Variants in NAT1 observed in about 807,000 individuals in gnomAD.
NAT1 encodes the protein N-acetyltransferase 1.
For synonymous variants in NAT1, 144 were observed against 122.6 expected, an observed-to-expected ratio of 1.17 and a Z score of -1.16; for missense variants, 400 against 339.2, an observed-to-expected ratio of 1.18 and a Z score of -1.41.
At chr8:18,196,315 G>A (rs1284773628) in intron 2 of NAT1, among the ~76,000 whole-genome samples, 1 of 151,486 alleles carries the variant, frequency 6.6e-6, no homozygotes, top group African/African-American at 2.4e-5. Flanking sequence ...AATGCCCCAA[G>A]AATAATGAGA....
At chr8:18,197,412 T>C (rs960905555) in intron 2 of NAT1, among the ~76,000 whole-genome samples, 1 of 152,090 alleles carries the variant, frequency 6.6e-6, no homozygotes, top group Non-Finnish European at 1.5e-5. Context: ...CAACCAGGAG[T>C]GATCTCTCCA....
At chr8:18,221,059 TA>T (rs1563195724) in intron 2 of NAT1, among the ~76,000 whole-genome samples, 1 of 152,182 alleles carries the variant, frequency 6.6e-6, no homozygotes, top group Non-Finnish European at 1.5e-5. Flanking sequence ...TCACTTACAG[TA>T]AAAACCAAAA....
intron 2 of NAT1, among the ~76,000 whole-genome samples, chr8:18,198,974 GA>G (rs113259284): frequency 1.3e-5 from 2 of 150,628 alleles, no homozygotes; most frequent in Admixed American, 6.6e-5. Context: ...CTTTTTTTTG[GA>G]AAAAAAAGGG....
At chr8:18,177,153 C>A (rs1010627830) in intron 2 of NAT1, among the ~76,000 whole-genome samples, 1 of 151,960 alleles carries the variant, frequency 6.6e-6, no homozygotes, top group Non-Finnish European at 1.5e-5. Context: ...TATCAACAGA[C>A]AGTCTCATTT....
intron 2 of NAT1, among the ~76,000 whole-genome samples, chr8:18,182,320 C>A (rs1022500786): frequency 6.6e-6 from 1 of 152,076 alleles, no homozygotes. Context: ...ATGTATCAGT[C>A]TTTTTTTATA....
chr8:18,213,728 T>G (rs559940940), intron 1 of NAT1, among the ~76,000 whole-genome samples: 6 of 152,322 alleles, frequency 3.9e-5, no homozygotes, highest in African/African-American at 1.4e-4. Flanking sequence ...AAATTATCTT[T>G]TAACAATTCC....
At chr8:18,188,960 A>G (rs1802858317) in intron 2 of NAT1, among the ~76,000 whole-genome samples, 1 of 140,098 alleles carries the variant, frequency 7.1e-6, no homozygotes. Context: ...GTCCCACTGC[A>G]CTCCAGCCTG....
At chr8:18,219,583 G>T in intron 2 of NAT1, 94 bp downstream of exon 2, 2 of 669,230 alleles carry the variant, frequency 3.0e-6, no homozygotes, top group Non-Finnish European at 5.2e-6. Flanking sequence ...AGATGAAAGG[G>T]AGGGATGTAT....
intron 2 of NAT1, among the ~76,000 whole-genome samples, chr8:18,177,030 A>C (rs151276961): frequency 5.4e-3 from 824 of 152,152 alleles, no homozygotes; most frequent in Non-Finnish European, 8.1e-3. Flanking sequence ...TTATTAGTGT[A>C]CAGAAACACT....
chr8:18,174,898 C>T (rs1278513503), intron 2 of NAT1, among the ~76,000 whole-genome samples: 2 of 152,052 alleles, frequency 1.3e-5, no homozygotes. Context: ...AGAAAACATA[C>T]ACAGTCCTCA....
At chr8:18,172,447 C>T (rs987118423) in intron 2 of NAT1, among the ~76,000 whole-genome samples, 2 of 152,206 alleles carry the variant, frequency 1.3e-5, no homozygotes, top group South Asian at 2.1e-4. Context: ...CATCCCTGTC[C>T]ACCATATAAT....
upstream of NAT1, among the ~76,000 whole-genome samples, chr8:18,206,122 T>C (rs1196682438): frequency 6.6e-6 from 1 of 152,198 alleles, no homozygotes; most frequent in Non-Finnish European, 1.5e-5. Flanking sequence ...CTTGTGTCTA[T>C]GGTGGCTGAA....
chr8:18,187,320 C>T (rs1802779839), intron 2 of NAT1, among the ~76,000 whole-genome samples: 1 of 152,256 alleles, frequency 6.6e-6, no homozygotes, highest in South Asian at 2.1e-4. Flanking sequence ...AACAGCATTT[C>T]CATTGACCCA....
chr8:18,188,617 G>C (rs7464557), intron 2 of NAT1, among the ~76,000 whole-genome samples: 58,611 of 151,822 alleles, frequency 0.39, 15,077 homozygotes, highest in African/African-American at 0.74. Flanking sequence ...TTAATATAAA[G>C]TAAAAAATAG....
chr8:18,203,692 A>T (rs1009038801), intron 2 of NAT1, among the ~76,000 whole-genome samples: 1 of 152,204 alleles, frequency 6.6e-6, no homozygotes, highest in Non-Finnish European at 1.5e-5. Flanking sequence ...TGGTGTGTAC[A>T]TTTAAGACCC....
chr8:18,179,540 G>A (rs935754457), intron 2 of NAT1, among the ~76,000 whole-genome samples: 62 of 152,144 alleles, frequency 4.1e-4, no homozygotes, highest in African/African-American at 1.4e-3. Flanking sequence ...GCTAAGAAAT[G>A]GCGTATTGAA....
At chr8:18,217,349 A>T (rs1035224644) in intron 1 of NAT1, among the ~76,000 whole-genome samples, 16 of 152,234 alleles carry the variant, frequency 1.1e-4, no homozygotes, top group Admixed American at 2.6e-4. Flanking sequence ...CAAATACTTA[A>T]CTTCCGGTAA....
upstream of NAT1, among the ~76,000 whole-genome samples, chr8:18,208,802 C>T (rs1394570716): frequency 6.6e-6 from 1 of 152,168 alleles, no homozygotes; most frequent in African/African-American, 2.4e-5. Context: ...AGCATTTAGA[C>T]CCCCGCCCCG....
intron 2 of NAT1, among the ~76,000 whole-genome samples, chr8:18,183,315 A>G (rs68086688): frequency 0.57 from 86,051 of 152,060 alleles, 25,391 homozygotes; most frequent in African/African-American, 0.74. Flanking sequence ...TCAGTTGGGG[A>G]AGGGGACAAA....
Sources: allele counts gnomAD v4.1 joint callset (sites outside exome capture counted in the v4.1 genomes callset), GRCh38; gene constraint gnomAD v4.1.1; transcripts MANE v1.5; gene names NCBI Gene and HGNC (gene_info 2026-07-23, HGNC 2026-07-21).